The following ONECUT1 variants were observed in gnomAD, a reference collection of about 807,000 sequenced individuals.
ONECUT1 encodes one cut homeobox 1.
ONECUT1 carries 12 observed loss-of-function variants against 25.6 expected under a neutral mutation model. That is an observed-to-expected ratio of 0.47 (90% CI 0.30 to 0.76). The LOEUF (loss-of-function observed/expected upper bound fraction) is 0.76, where lower values mean the gene tolerates loss of function less well. Ranked by LOEUF, ONECUT1 falls within the 30% of genes least tolerant of loss-of-function variation. ONECUT1 has a pLI of 0.07. For missense variants in ONECUT1, 620 were observed against 651.2 expected (o/e 0.95, Z 0.52); for synonymous variants, 285 against 270.2 (o/e 1.05, Z -0.54).
intron 1 of ONECUT1, among the ~76,000 whole-genome samples, chr15:52,759,487 T>C (rs1269900079): frequency 6.6e-6 from 1 of 152,242 alleles, no homozygotes; most frequent in African/African-American, 2.4e-5. Context: ...TTTAAAACAA[T>C]GTGCTACTTA....
In ONECUT1 at chr15:52,777,733, CACACAA is replaced by C. The variant is rs1317195388; in HGVS notation, c.1105+11041_1105+11046del. On this transcript the variant is annotated intron_variant, in intron 1 of 1. Transcript: ENST00000305901. ...ACACACACACACACACACACACACA[CACACAA>C]AAAAACATGTAAAGTTATTTGTTCT... Among the ~76,000 whole-genome samples the C allele has an allele frequency of 7.2e-4, 61 of 85,250 alleles. 2 individuals are homozygous for C. Among genetic ancestry groups the C allele is most frequent in the Middle Eastern group, 4.7e-3 (1 of 214 alleles). The allele number at this position is 85,250 out of a possible 152,430, so 55.9% of individuals were successfully genotyped here.
chr15:52,772,443 A>G (rs146357151), intron 1 of ONECUT1, among the ~76,000 whole-genome samples: 1 of 151,726 alleles, frequency 6.6e-6, no homozygotes, highest in Non-Finnish European at 1.5e-5. Context: ...CACGGAGTTC[A>G]TTGGAGGCAG....
At chr15:52,785,043 A>C (rs968013005) in intron 1 of ONECUT1, among the ~76,000 whole-genome samples, 12 of 151,534 alleles carry the variant, frequency 7.9e-5, no homozygotes, top group Non-Finnish European at 1.8e-4. Flanking sequence ...TTCTCCCCCA[A>C]CTCTTGGACC....
chr15:52,760,982 G>A (rs1596045308), intron 1 of ONECUT1, among the ~76,000 whole-genome samples: 1 of 9,936 alleles, frequency 1.0e-4, no homozygotes, highest in African/African-American at 7.4e-4. Flanking sequence ...GGTGGCTCTC[G>A]AATTGCCCTT....
rs370593939 is a variant in ONECUT1 at position 52,762,570 on chromosome 15, A to G, written c.1106-4723T>C. Among the ~76,000 whole-genome samples the G allele has an allele frequency of 1.2e-4, 18 of 152,328 alleles. No individual in the cohort carries two copies. In the East Asian group the frequency reaches 1.9e-3, roughly 16 times the overall value. On this transcript the variant is annotated intron_variant, in intron 1 of 1. Transcript: ENST00000305901. The stretch of plus-strand genomic sequence containing the variant: ...TGGGGAAGTGAGATTCTCTTGGAGC[A>G]GGGACCCTGGCTGACTTGCTCTGTA...
intron 1 of ONECUT1, among the ~76,000 whole-genome samples, chr15:52,775,834 A>G (rs1176222816): frequency 6.6e-6 from 1 of 152,240 alleles, no homozygotes; most frequent in African/African-American, 2.4e-5. Context: ...AAGTGACTCA[A>G]ACCAAGACTT....
In ONECUT1 at chr15:52,788,522, C is replaced by T; in HGVS notation, c.1105+258G>A. On this transcript the variant is annotated intron_variant, in intron 1 of 1. Coordinates refer to ENST00000305901, the MANE Select transcript of ONECUT1 (RefSeq NM_004498.4). The surrounding 1 kb of genome is among the most constrained non-coding windows in gnomAD (Gnocchi z 4.3). Reference sequence around the variant, plus strand: ...GAGCTTCCCTCGCTGTCCCTGAGCGCAAATGAGCCTCTTCAGTCGCCGAGG... The same window carrying T: ...GAGCTTCCCTCGCTGTCCCTGAGCGTAAATGAGCCTCTTCAGTCGCCGAGG... 1 of 475,352 alleles carries T rather than the reference C, an allele frequency of 2.1e-6. No individual in the cohort carries two copies. Among genetic ancestry groups the T allele is most frequent in the African/African-American group, 1.9e-5 (1 of 52,574 alleles). 29.4% of individuals were successfully genotyped at this position (475,352 alleles called of 1,614,324 possible). A position where few individuals can be genotyped will look rare whatever the true frequency, so the allele number is the denominator to read the frequency against.
chr15:52,770,890 T>A (rs2083763417), intron 1 of ONECUT1, among the ~76,000 whole-genome samples: 1 of 152,206 alleles, frequency 6.6e-6, no homozygotes, highest in East Asian at 1.9e-4. Context: ...ACATTTATTT[T>A]AATTTTTTGT....
chr15:52,773,381 G>C (rs1277359507), intron 1 of ONECUT1, among the ~76,000 whole-genome samples: 2 of 152,148 alleles, frequency 1.3e-5, no homozygotes, highest in African/African-American at 2.4e-5. Flanking sequence ...GTACTGGTAT[G>C]AACTAATGAT....
chr15:52,772,915 A>T (rs901424412), intron 1 of ONECUT1, among the ~76,000 whole-genome samples: 1 of 152,214 alleles, frequency 6.6e-6, no homozygotes, highest in Non-Finnish European at 1.5e-5. Context: ...CGCATATAAC[A>T]AACCCAAGCT....
intron 1 of ONECUT1, chr15:52,781,087 C>T (rs894231954): frequency 1.8e-5 from 3 of 170,558 alleles, no homozygotes; most frequent in African/African-American, 7.2e-5. Flanking sequence ...GATGTGGAGC[C>T]AAGAAGTGTA....
chr15:52,760,273 C>T (rs1471024071), intron 1 of ONECUT1, among the ~76,000 whole-genome samples: 1 of 152,140 alleles, frequency 6.6e-6, no homozygotes, highest in African/African-American at 2.4e-5. Flanking sequence ...TAGAGTTCTT[C>T]CTCCCAGAGG....
At chr15:52,787,433 G>C (rs991511893) in intron 1 of ONECUT1, among the ~76,000 whole-genome samples, 1 of 152,122 alleles carries the variant, frequency 6.6e-6, no homozygotes, top group Non-Finnish European at 1.5e-5. Context: ...GGAGGAGGGG[G>C]CTTTGGCCTC....
Position 52,790,278 on chromosome 15 carries a change from G to A in ONECUT1, c.-394C>T, listed in dbSNP as rs1451850462. ...CTCCCCTGCCGCGGCCCGCGCGCCT[G>A]CCGCGTCTGCTGCCTGCCCGCCCCG... On this transcript the variant is annotated 5_prime_UTR_variant, in exon 1 of 2. Coordinates refer to ENST00000305901, the MANE Select transcript of ONECUT1 (RefSeq NM_004498.4). 5.9e-5 allele frequency among the ~76,000 whole-genome samples: 9 copies of A among 151,268 alleles called. No individual in the cohort carries two copies. The highest frequency in any genetic ancestry group is 2.2e-4 in the African/African-American group (9 of 41,294).
intron 1 of ONECUT1, among the ~76,000 whole-genome samples, chr15:52,785,339 C>G (rs1044185101): frequency 5.3e-5 from 8 of 152,212 alleles, no homozygotes; most frequent in Non-Finnish European, 1.2e-4. Context: ...GGCCGCCCCC[C>G]GACCGAACCC....
Position 52,757,459 on chromosome 15 carries a change from T to C in ONECUT1, c.*96A>G. 1 of 1,312,980 alleles carries C rather than the reference T, an allele frequency of 7.6e-7. No homozygotes were observed. The highest frequency in any genetic ancestry group is 2.4e-5 in the East Asian group (1 of 42,514). The allele number at this position is 1,312,980 out of a possible 1,614,324, so 81.3% of individuals were successfully genotyped here. A position where few individuals can be genotyped will look rare whatever the true frequency, so the allele number is the denominator to read the frequency against. On this transcript the variant is annotated 3_prime_UTR_variant, in exon 2 of 2. Transcript: ENST00000305901. Reference sequence around the variant, plus strand: ...TAACGCTTTTTTTTCTTCAAATATTTCTAAGTATAAACCTGCTATCTTGAG... The same window carrying C: ...TAACGCTTTTTTTTCTTCAAATATTCCTAAGTATAAACCTGCTATCTTGAG...
intron 1 of ONECUT1, among the ~76,000 whole-genome samples, chr15:52,783,982 C>G (rs1427171811): frequency 6.6e-6 from 1 of 152,226 alleles, no homozygotes; most frequent in African/African-American, 2.4e-5. Flanking sequence ...TTGAAATTCA[C>G]TAGAACAACG....
chr15:52,786,463 T>C (rs1416954490), intron 1 of ONECUT1, among the ~76,000 whole-genome samples: 2 of 152,198 alleles, frequency 1.3e-5, no homozygotes, highest in African/African-American at 4.8e-5. Context: ...TGCTGGACTC[T>C]CCAGTGTTTC....
chr15:52,773,782 C>T lies in ONECUT1; in HGVS notation c.1105+14998G>A, dbSNP rs559652386. Among the ~76,000 whole-genome samples the T allele has an allele frequency of 2.0e-5, 3 of 152,054 alleles. No individual in the cohort carries two copies. In the East Asian group the frequency reaches 5.8e-4, roughly 29 times the overall value. ...GGGCTCTCGTCAGTGAAATCTGGGA[C>T]AATTTGAGCACCAAAATAGTTAAGT... On this transcript the variant is annotated intron_variant, in intron 1 of 1. Coordinates refer to ENST00000305901, the MANE Select transcript of ONECUT1 (RefSeq NM_004498.4).
Sources: allele counts gnomAD v4.1 joint callset (sites outside exome capture counted in the v4.1 genomes callset), GRCh38; gene constraint gnomAD v4.1.1; non-coding constraint Gnocchi (gnomAD v3.1); transcripts MANE v1.5; gene names NCBI Gene and HGNC (gene_info 2026-07-23, HGNC 2026-07-21).